The following RBFOX1 variants were observed in gnomAD, a reference collection of about 807,000 sequenced individuals.
RBFOX1 encodes the protein RNA binding fox-1 homolog 1, also known as RNA binding protein fox-1 homolog 1.
In RBFOX1, 8 loss-of-function variants were observed where a neutral mutation model predicts 57.7. The ratio of observed to expected loss-of-function variants is 0.14; its 90% confidence interval spans 0.08 to 0.25. The LOEUF is 0.25. RBFOX1 is among the 10% of genes least tolerant of loss of function. The probability of loss-of-function intolerance (pLI) is 1.00; values close to 1 mark genes in which losing one functional copy is unlikely to be tolerated. For synonymous variants in RBFOX1, 326 were observed against 222.4 expected (o/e 1.47, Z -4.15); for missense variants, 611 against 548.5 (o/e 1.11, Z -1.14).
chr16:6,039,870 A>G (rs1055469598), intron 1 of RBFOX1, among the ~76,000 whole-genome samples: 10 of 152,294 alleles, frequency 6.6e-5, no homozygotes, highest in African/African-American at 2.4e-4. Context: ...CCGGGGCTGG[A>G]GGATGTCTCC....
Position 6,781,161 on chromosome 16 carries a change from G to C in RBFOX1, c.-16+126511G>C, listed in dbSNP as rs1033585760. 5.3e-5 allele frequency among the ~76,000 whole-genome samples: 8 copies of C among 152,038 alleles called. No homozygotes were observed. The South Asian group carries it at 1.7e-3, about 32-fold the overall frequency. Reference sequence around the variant, plus strand: ...TAAATTCTTTAATCCGTTTTGATTTGATTTTTGTAGATGGTGAGGAATAGG... The same window carrying C: ...TAAATTCTTTAATCCGTTTTGATTTCATTTTTGTAGATGGTGAGGAATAGG... On this transcript the variant is annotated intron_variant, in intron 3 of 15. Coordinates refer to ENST00000550418, the MANE Select transcript of RBFOX1 (RefSeq NM_018723.4).
chr16:5,969,477 A>ATTTTTTTTTTTTTTTTTTTGTTTT, intron 4 of RBFOX1, among the ~76,000 whole-genome samples: 1 of 117,040 alleles, frequency 8.5e-6, no homozygotes, highest in Non-Finnish European at 1.7e-5. Context: ...ACGCCTGGCT[A>ATTTTTTTTTTTTTTTTTTTGTTTT]TTTTTTTTTT....
chr16:6,742,835 G>C (rs958138405), intron 3 of RBFOX1, among the ~76,000 whole-genome samples: 12 of 152,152 alleles, frequency 7.9e-5, no homozygotes, highest in Admixed American at 4.6e-4. Flanking sequence ...GAGAAAAAAA[G>C]ATGGGTAGAA....
chr16:7,457,780 C>A (rs2109444), intron 4 of RBFOX1, among the ~76,000 whole-genome samples: 13 of 151,710 alleles, frequency 8.6e-5, no homozygotes, highest in South Asian at 2.1e-4. Flanking sequence ...GTTCTTCTTA[C>A]GAGCATCTAG....
intron 4 of RBFOX1, among the ~76,000 whole-genome samples, chr16:7,161,113 A>C (rs1001151392): frequency 6.6e-6 from 1 of 152,168 alleles, no homozygotes; most frequent in African/African-American, 2.4e-5. Context: ...TGTTTACATC[A>C]AGACCAACCT....
chr16:5,517,566 A>G (rs1027359308), intron 2 of RBFOX1, among the ~76,000 whole-genome samples: 1 of 152,168 alleles, frequency 6.6e-6, no homozygotes, highest in Non-Finnish European at 1.5e-5. Context: ...TCCACTGTGA[A>G]TGGTGATTTT....
intron 1 of RBFOX1, among the ~76,000 whole-genome samples, chr16:6,176,524 C>G (rs1447029226): frequency 2.0e-5 from 3 of 152,032 alleles, no homozygotes; most frequent in African/African-American, 7.2e-5. Context: ...AGGAGGCAAT[C>G]AGGGTACTTA....
chr16:5,510,124 C>T (rs891407399), intron 2 of RBFOX1, among the ~76,000 whole-genome samples: 12 of 152,328 alleles, frequency 7.9e-5, no homozygotes, highest in East Asian at 3.9e-4. Context: ...GCTGAACCTA[C>T]GAGCTGTGTA....
At chr16:5,817,866 A>G (rs1260911999) in intron 3 of RBFOX1, among the ~76,000 whole-genome samples, 1 of 151,786 alleles carries the variant, frequency 6.6e-6, no homozygotes, top group East Asian at 1.9e-4. Flanking sequence ...AATTTTTTGT[A>G]TTTTTAGTAG....
chr16:6,397,983 A>G (rs1457633724), intron 2 of RBFOX1, among the ~76,000 whole-genome samples: 4 of 152,246 alleles, frequency 2.6e-5, no homozygotes, highest in Admixed American at 6.5e-5. Flanking sequence ...TAACAAAAAC[A>G]ATAGTAACAA....
intron 4 of RBFOX1, among the ~76,000 whole-genome samples, chr16:7,285,197 G>C (rs1334675953): frequency 2.1e-5 from 3 of 144,192 alleles, no homozygotes; most frequent in Non-Finnish European, 3.0e-5. Context: ...TTTTTATTGA[G>C]ATAATTGCAG....
At chr16:6,272,597 T>C (rs1215767622) in intron 1 of RBFOX1, among the ~76,000 whole-genome samples, 1 of 152,176 alleles carries the variant, frequency 6.6e-6, no homozygotes, top group Non-Finnish European at 1.5e-5. Flanking sequence ...TTCTAAAATA[T>C]AAATGAAAGT....
intron 3 of RBFOX1, among the ~76,000 whole-genome samples, chr16:7,028,567 A>G (rs2041668681): frequency 7.7e-6 from 1 of 129,762 alleles, no homozygotes; most frequent in South Asian, 2.7e-4. Flanking sequence ...AACCTGGGCA[A>G]TAAGAGTGAA....
intron 2 of RBFOX1, among the ~76,000 whole-genome samples, chr16:6,334,885 T>C (rs2083444830): frequency 6.6e-6 from 1 of 152,162 alleles, no homozygotes; most frequent in African/African-American, 2.4e-5. Flanking sequence ...GAGGGAGAGA[T>C]ATTTGCTTCT....
At chr16:5,849,230 C>A (rs1170696849) in intron 3 of RBFOX1, among the ~76,000 whole-genome samples, 1 of 152,054 alleles carries the variant, frequency 6.6e-6, no homozygotes, top group Non-Finnish European at 1.5e-5. Context: ...TATTTTCCTG[C>A]ATGGAAGGGT....
chr16:7,101,931 T>C (rs1291150167), intron 4 of RBFOX1, among the ~76,000 whole-genome samples: 1 of 152,144 alleles, frequency 6.6e-6, no homozygotes. Context: ...TGAAGCATAG[T>C]TGGTGCTCCT....
rs553316785 is a variant in RBFOX1, at chr16:6,639,457, C to T, written c.-63-15146C>T. ...GGCCAGTAGGGGTCTGTTTAATTGA[C>T]TGAAATAGTAATGACCCGGAGGAAT... On this transcript the variant is annotated intron_variant, in intron 2 of 15. Coordinates refer to ENST00000550418, the MANE Select transcript of RBFOX1 (RefSeq NM_018723.4). Among the ~76,000 whole-genome samples the T allele has an allele frequency of 3.3e-5, 5 of 152,108 alleles. No individual in the cohort carries two copies. The South Asian group carries it at 1.0e-3, about 32-fold the overall frequency.
intron 2 of RBFOX1, among the ~76,000 whole-genome samples, chr16:5,500,129 CT>C (rs2043138564): frequency 6.8e-6 from 1 of 146,342 alleles, no homozygotes; most frequent in African/African-American, 2.6e-5. Flanking sequence ...TCCTTCCCTC[CT>C]TCCCTCCTTC....
intron 1 of RBFOX1, among the ~76,000 whole-genome samples, chr16:6,163,675 A>T (rs190284471): frequency 1.0e-3 from 153 of 152,320 alleles, no homozygotes; most frequent in African/African-American, 3.4e-3. Context: ...TCTTTCCAAA[A>T]TGTTTCCGCA....
Sources: gnomAD v4.1 joint callset for allele counts (sites outside exome capture counted in the v4.1 genomes callset) on GRCh38, gnomAD v4.1.1 for gene constraint, MANE v1.5 for transcripts, NCBI Gene and HGNC (gene_info 2026-07-23, HGNC 2026-07-21) for gene names.